Variants in TMEM132C observed in about 807,000 individuals in gnomAD.
The protein encoded by TMEM132C is transmembrane protein 132C.
TMEM132C carries 29 observed loss-of-function variants against 61.4 expected under a neutral mutation model. The ratio of observed to expected loss-of-function variants is 0.47; its 90% confidence interval spans 0.35 to 0.64. The LOEUF (loss-of-function observed/expected upper bound fraction) is 0.64. Ranked by LOEUF, TMEM132C falls within the 30% of genes least tolerant of loss-of-function variation. The pLI is 0.00. For synonymous variants in TMEM132C, 656 were observed against 633.1 expected (o/e 1.04, Z -0.54); for missense variants, 1,408 against 1,476.9 (o/e 0.95, Z 0.76).
At chr12:128,463,459 C>T (rs1565943503) in intron 2 of TMEM132C, among the ~76,000 whole-genome samples, 1 of 152,112 alleles carries the variant, frequency 6.6e-6, no homozygotes, top group African/African-American at 2.4e-5. Context: ...GCTGGGATTA[C>T]AGGCATGCAC....
chr12:128,541,854 G>A (rs1873767931), intron 2 of TMEM132C, among the ~76,000 whole-genome samples: 1 of 152,088 alleles, frequency 6.6e-6, no homozygotes. Flanking sequence ...TCTCCTGGAG[G>A]GTGAAGATGC....
rs535382051 is a variant in TMEM132C at position 128,497,283 on chromosome 12, C to T, written c.975-46674C>T. ...CAGTTAGGCTACTCGGGGTCAGGGACCCACTTGAGGAGGTAGTCTGTCCAT... is the reference window on the plus strand; with the variant it reads ...CAGTTAGGCTACTCGGGGTCAGGGATCCACTTGAGGAGGTAGTCTGTCCAT... On this transcript the variant is annotated intron_variant, in intron 2 of 8. Coordinates refer to ENST00000435159, the MANE Select transcript of TMEM132C (RefSeq NM_001136103.3). Among the ~76,000 whole-genome samples the T allele has an allele frequency of 5.7e-4, 87 of 152,334 alleles. 1 individual carries two copies. Among genetic ancestry groups the T allele is most frequent in the African/African-American group, 1.9e-3 (79 of 41,574 alleles).
At chr12:128,450,392 C>G (rs1450123904) in intron 2 of TMEM132C, among the ~76,000 whole-genome samples, 3 of 152,032 alleles carry the variant, frequency 2.0e-5, no homozygotes, top group Non-Finnish European at 4.4e-5. Context: ...AAAGAGAGAG[C>G]CTTTGAGATC....
intron 4 of TMEM132C, among the ~76,000 whole-genome samples, chr12:128,664,674 C>T (rs1239202225): frequency 1.3e-5 from 2 of 152,128 alleles, no homozygotes; most frequent in Admixed American, 1.3e-4. Flanking sequence ...CTCATCAGAG[C>T]CGGATGGGGC....
At chr12:128,308,724 T>C (rs1871869875) in intron 1 of TMEM132C, among the ~76,000 whole-genome samples, 1 of 152,152 alleles carries the variant, frequency 6.6e-6, no homozygotes, top group South Asian at 2.1e-4. Context: ...TGGGGGGAGC[T>C]GACCTTCATG....
At chr12:128,338,770 A>G (rs1413081351) in intron 1 of TMEM132C, among the ~76,000 whole-genome samples, 1 of 149,510 alleles carries the variant, frequency 6.7e-6, no homozygotes, top group African/African-American at 2.5e-5. Context: ...ATATATATAT[A>G]TATATATTTT....
chr12:128,546,179 G>A (rs1456125821), intron 3 of TMEM132C, among the ~76,000 whole-genome samples: 1 of 152,176 alleles, frequency 6.6e-6, no homozygotes, highest in Non-Finnish European at 1.5e-5. Context: ...TCAGGGACAA[G>A]GGTTGGGTGT....
chr12:128,518,701 T>C (rs1230013280), intron 2 of TMEM132C, among the ~76,000 whole-genome samples: 1 of 152,190 alleles, frequency 6.6e-6, no homozygotes, highest in Non-Finnish European at 1.5e-5. Context: ...CCCCTTGAAT[T>C]ATCTATTGGT....
At chr12:128,273,692 A>G (rs922346186) in intron 1 of TMEM132C, among the ~76,000 whole-genome samples, 1 of 152,030 alleles carries the variant, frequency 6.6e-6, no homozygotes, top group Non-Finnish European at 1.5e-5. Flanking sequence ...TATTATTTAT[A>G]CTTCTTTTTA....
At chr12:128,560,765 T>C (rs543495269) in intron 3 of TMEM132C, among the ~76,000 whole-genome samples, 1 of 152,370 alleles carries the variant, frequency 6.6e-6, no homozygotes, top group South Asian at 2.1e-4. Flanking sequence ...CATGAATACA[T>C]GTATTGCTGA....
In TMEM132C at chr12:128,289,582, GA is replaced by G. The variant is rs144511993; in HGVS notation, c.85+22098del. 4.2e-3 allele frequency among the ~76,000 whole-genome samples: 636 copies of G among 152,292 alleles called. 4 individuals are homozygous for G. Among genetic ancestry groups the G allele is most frequent in the African/African-American group, 0.014 (598 of 41,564 alleles). On this transcript the variant is annotated intron_variant, in intron 1 of 8. Transcript: ENST00000435159. ...CACAACACATTTTGGAGAATATTCT[GA>G]AAGAAAGTAGGCCCAAGAGGTGTAT...
chr12:128,297,573 C>A (rs969973740), intron 1 of TMEM132C, among the ~76,000 whole-genome samples: 6 of 152,134 alleles, frequency 3.9e-5, no homozygotes, highest in Non-Finnish European at 5.9e-5. Context: ...CCAAGGCCTG[C>A]AAAAGCTGGC....
At chr12:128,353,496 G>C (rs1212053154) in intron 1 of TMEM132C, among the ~76,000 whole-genome samples, 1 of 152,188 alleles carries the variant, frequency 6.6e-6, no homozygotes, top group Non-Finnish European at 1.5e-5. Context: ...TTCTCCCATG[G>C]TGTTTTCTTA....
At chr12:128,486,894 C>T (rs1384896146) in intron 2 of TMEM132C, among the ~76,000 whole-genome samples, 2 of 119,700 alleles carry the variant, frequency 1.7e-5, no homozygotes, top group Non-Finnish European at 3.9e-5. Flanking sequence ...CACACACACA[C>T]ACACACACAC....
chr12:128,442,161 C>T (rs896826658), intron 2 of TMEM132C, among the ~76,000 whole-genome samples: 2 of 152,200 alleles, frequency 1.3e-5, no homozygotes, highest in African/African-American at 2.4e-5. Flanking sequence ...ATCCTGAAAC[C>T]TCAGTCCCCT....
chr12:128,364,643 C>G (rs1873808136), intron 1 of TMEM132C, among the ~76,000 whole-genome samples: 1 of 152,180 alleles, frequency 6.6e-6, no homozygotes. Context: ...TGTTTACAGA[C>G]AGAGACCCGG....
intron 2 of TMEM132C, among the ~76,000 whole-genome samples, chr12:128,456,994 C>G (rs1290118652): frequency 2.0e-5 from 3 of 152,144 alleles, no homozygotes; most frequent in Non-Finnish European, 4.4e-5. Flanking sequence ...GTATATCATT[C>G]CTCTATTGCA....
intron 2 of TMEM132C, among the ~76,000 whole-genome samples, chr12:128,441,957 G>A (rs923966370): frequency 6.6e-6 from 1 of 152,102 alleles, no homozygotes; most frequent in Non-Finnish European, 1.5e-5. Flanking sequence ...AGCCGGGATC[G>A]CACCATGGCA....
intron 1 of TMEM132C, among the ~76,000 whole-genome samples, chr12:128,289,283 C>T (rs1286586500): frequency 6.6e-6 from 1 of 152,220 alleles, no homozygotes; most frequent in Non-Finnish European, 1.5e-5. Flanking sequence ...CACACATGCT[C>T]ATGTGCGCAC....
Sources: allele counts gnomAD v4.1 joint callset (sites outside exome capture counted in the v4.1 genomes callset), GRCh38; gene constraint gnomAD v4.1.1; transcripts MANE v1.5; gene names NCBI Gene and HGNC (gene_info 2026-07-23, HGNC 2026-07-21).